The following SORCS1 variants were observed in gnomAD, a reference collection of about 807,000 sequenced individuals.
SORCS1 encodes the protein sortilin related VPS10 domain containing receptor 1.
A neutral mutation model predicts 146.1 loss-of-function variants in SORCS1; 60 were observed. That is an observed-to-expected ratio of 0.41 (90% CI 0.33 to 0.51). SORCS1 has a LOEUF of 0.51. Ranked by LOEUF, SORCS1 falls within the 20% of genes least tolerant of loss-of-function variation. The probability of loss-of-function intolerance (pLI) is 0.21; values close to 1 mark genes in which losing one functional copy is unlikely to be tolerated. For synonymous variants in SORCS1, 637 were observed against 584.0 expected, an observed-to-expected ratio of 1.09 and a Z score of -1.31; for missense variants, 1,352 against 1,487.6, an observed-to-expected ratio of 0.91 and a Z score of 1.50.
intron 1 of SORCS1, among the ~76,000 whole-genome samples, chr10:107,081,249 T>C (rs193294893): frequency 6.6e-6 from 1 of 152,306 alleles, no homozygotes; most frequent in East Asian, 1.9e-4. Context: ...TCTGAAAATT[T>C]TTCCTGAAAT....
At chr10:106,986,047 A>T (rs1956456367) in intron 1 of SORCS1, among the ~76,000 whole-genome samples, 1 of 152,006 alleles carries the variant, frequency 6.6e-6, no homozygotes, top group Non-Finnish European at 1.5e-5. Flanking sequence ...TTAAGAATCA[A>T]CCTCATATTA....
chr10:106,620,738 A>C (rs183207597), intron 19 of SORCS1, among the ~76,000 whole-genome samples, 177 bp from the exon 20 acceptor site: 1 of 152,346 alleles, frequency 6.6e-6, no homozygotes, highest in Admixed American at 6.5e-5. Flanking sequence ...ATTGAGCACA[A>C]TTGCATCTTG....
At chr10:107,136,766 G>C (rs1590215907) in intron 1 of SORCS1, among the ~76,000 whole-genome samples, 1 of 152,140 alleles carries the variant, frequency 6.6e-6, no homozygotes, top group East Asian at 1.9e-4. Context: ...AGGAGTACCA[G>C]GTTTCAAGCA....
At chr10:107,124,613 T>C (rs769557446) in intron 1 of SORCS1, among the ~76,000 whole-genome samples, 27 of 151,946 alleles carry the variant, frequency 1.8e-4, no homozygotes, top group Non-Finnish European at 7.4e-5. Context: ...GTCGACGTGA[T>C]CTGAGCACTA....
Position 106,937,954 on chromosome 10 carries a change from ACT to A in SORCS1, c.626+18557_626+18558del, listed in dbSNP as rs374722557. Reference sequence around the variant, plus strand: ...ACTCCATCCTGAGCAACAGAGCAAGACTCTGTCTCAAAAAGAAGAAAAAAAAA... The same window carrying A: ...ACTCCATCCTGAGCAACAGAGCAAGACTGTCTCAAAAAGAAGAAAAAAAAA... On this transcript the variant is annotated intron_variant, in intron 2 of 25. Coordinates refer to ENST00000263054, the MANE Select transcript of SORCS1 (RefSeq NM_052918.5). Among the ~76,000 whole-genome samples the A allele has an allele frequency of 3.0e-3, 429 of 141,204 alleles. 6 individuals carry two copies. Among genetic ancestry groups the A allele is most frequent in the African/African-American group, 8.2e-3 (314 of 38,342 alleles). 92.6% of individuals were successfully genotyped at this position (141,204 alleles called of 152,430 possible).
chr10:107,159,485 A>C (rs72814919), intron 1 of SORCS1, among the ~76,000 whole-genome samples: 4,730 of 152,282 alleles, frequency 0.031, 99 homozygotes, highest in African/African-American at 0.051. Context: ...CAGTAGAGAA[A>C]TCTTTCTTCC....
chr10:107,108,535 A>G (rs1965462474), intron 1 of SORCS1, among the ~76,000 whole-genome samples: 1 of 152,136 alleles, frequency 6.6e-6, no homozygotes, highest in African/African-American at 2.4e-5. Context: ...AGCCATCAGG[A>G]ATCTACCCTT....
In SORCS1 at chr10:106,671,383, G is replaced by T; in HGVS notation, c.2059-16C>A. On this transcript the variant is annotated splice_polypyrimidine_tract_variant and intron_variant, in intron 15 of 25. Transcript: ENST00000263054. The stretch of plus-strand genomic sequence containing the variant: ...ATGCTTCCCCCTGTAAGCAGAGAAG[G>T]ATCACAGATACTTGGGCACATAGCT... 2 of 1,613,814 alleles carry T rather than the reference G, an allele frequency of 1.2e-6. No individual in the cohort carries two copies. The highest frequency in any genetic ancestry group is 1.1e-5 in the South Asian group (1 of 91,038).
intron 1 of SORCS1, among the ~76,000 whole-genome samples, chr10:106,969,403 C>CA (rs1314828015): frequency 2.0e-5 from 3 of 152,172 alleles, no homozygotes; most frequent in East Asian, 3.9e-4. Context: ...TATCTGAGAG[C>CA]AAAAAATAAT....
chr10:107,068,501 T>C (rs753404215), intron 1 of SORCS1, among the ~76,000 whole-genome samples: 3 of 152,142 alleles, frequency 2.0e-5, no homozygotes, highest in Admixed American at 6.5e-5. Flanking sequence ...CAGTAAGTAT[T>C]TGAACTAGCA....
rs763143832 is a variant in SORCS1, at chr10:107,154,520, GA to G, written c.558+9448del. 5.4e-5 allele frequency among the ~76,000 whole-genome samples: 8 copies of G among 148,870 alleles called. No homozygotes were observed. The South Asian group carries it at 8.6e-4, about 16-fold the overall frequency. ...AAGTTATAGGTTGTTCACAACACAT[GA>G]AAAAAAAACACTTTCCCAAGGAAAT... On this transcript the variant is annotated intron_variant, in intron 1 of 25. Transcript: ENST00000263054.
intron 2 of SORCS1, among the ~76,000 whole-genome samples, chr10:106,930,158 T>G (rs753200962): frequency 2.2e-4 from 33 of 152,090 alleles, no homozygotes; most frequent in Non-Finnish European, 3.8e-4. Context: ...GCTGAGCGCC[T>G]GCAGTCCCAG....
intron 1 of SORCS1, among the ~76,000 whole-genome samples, chr10:106,996,395 A>G (rs1440318888): frequency 1.3e-5 from 2 of 152,174 alleles, no homozygotes; most frequent in Non-Finnish European, 2.9e-5. Context: ...CAATTTAAAT[A>G]ATTATAAAAT....
chr10:106,947,823 A>G (rs956443333), intron 2 of SORCS1, among the ~76,000 whole-genome samples: 7 of 151,722 alleles, frequency 4.6e-5, no homozygotes, highest in Non-Finnish European at 8.8e-5. Context: ...TCTTCACAAG[A>G]GTGAAACTCC....
intron 2 of SORCS1, among the ~76,000 whole-genome samples, chr10:106,894,680 C>G (rs1026040801): frequency 2.0e-5 from 3 of 152,130 alleles, no homozygotes; most frequent in Non-Finnish European, 4.4e-5. Flanking sequence ...TCATGAGTTT[C>G]AAACAAGGTT....
chr10:106,909,384 CAGAG>C (rs3045086), intron 2 of SORCS1, among the ~76,000 whole-genome samples: 1 of 149,792 alleles, frequency 6.7e-6, no homozygotes. Flanking sequence ...ATACAAATGA[CAGAG>C]AGAGAGAGAG....
intron 2 of SORCS1, among the ~76,000 whole-genome samples, chr10:106,906,882 C>G (rs574715704): frequency 2.0e-5 from 3 of 152,280 alleles, no homozygotes; most frequent in African/African-American, 7.2e-5. Context: ...GGGCTGAGTA[C>G]TTGGTTGAGG....
chr10:107,059,103 T>A (rs1378846924), intron 1 of SORCS1, among the ~76,000 whole-genome samples: 1 of 152,208 alleles, frequency 6.6e-6, no homozygotes, highest in Non-Finnish European at 1.5e-5. Context: ...TTAGTGTTCA[T>A]ATAAAAATTC....
chr10:106,648,929 T>G (rs1460674990), intron 18 of SORCS1, among the ~76,000 whole-genome samples: 1 of 151,898 alleles, frequency 6.6e-6, no homozygotes, highest in Admixed American at 6.6e-5. Context: ...TGGAGAGGAA[T>G]GCACCGACAG....
Sources: gnomAD v4.1 joint callset for allele counts (sites outside exome capture counted in the v4.1 genomes callset) on GRCh38, gnomAD v4.1.1 for gene constraint, MANE v1.5 for transcripts, NCBI Gene and HGNC (gene_info 2026-07-23, HGNC 2026-07-21) for gene names.